Variants in SYNPO observed in about 807,000 individuals in gnomAD.
SYNPO encodes synaptopodin.
A neutral mutation model predicts 49.5 loss-of-function variants in SYNPO; 19 were observed. That is an observed-to-expected ratio of 0.38 (90% CI 0.27 to 0.56). SYNPO has a LOEUF of 0.56. Ranked by LOEUF, SYNPO falls within the 20% of genes least tolerant of loss-of-function variation. The pLI is 0.68. For missense variants in SYNPO, 1,131 were observed against 1,248.3 expected (o/e 0.91, Z 1.42); for synonymous variants, 536 against 548.0 (o/e 0.98, Z 0.31).
the SYNPO span, among the ~76,000 whole-genome samples, chr5:150,594,799 T>C: frequency 6.6e-6 from 1 of 152,068 alleles, no homozygotes; most frequent in Admixed American, 6.6e-5. Flanking sequence ...GGCTCAGAGA[T>C]GGGGAAAGTC....
intron 2 of SYNPO, among the ~76,000 whole-genome samples, chr5:150,629,117 C>T (rs894255458): frequency 6.6e-6 from 1 of 152,130 alleles, no homozygotes; most frequent in Admixed American, 6.5e-5. Context: ...CTCCTGGGCT[C>T]AAGTGATCCT....
upstream of SYNPO, among the ~76,000 whole-genome samples, chr5:150,635,788 C>T (rs1039130353): frequency 6.6e-6 from 1 of 152,172 alleles, no homozygotes; most frequent in African/African-American, 2.4e-5. Context: ...CGTGTCCTAC[C>T]TCCACATTAT....
chr5:150,609,419 C>T (rs909817436), intron 1 of SYNPO, among the ~76,000 whole-genome samples: 2 of 152,230 alleles, frequency 1.3e-5, no homozygotes, highest in Admixed American at 6.5e-5. Context: ...CTCAGCCTCC[C>T]GAGTAGCTGG....
intron 1 of SYNPO, among the ~76,000 whole-genome samples, chr5:150,615,754 GCCTCT>G (rs1756967719): frequency 6.6e-6 from 1 of 152,230 alleles, no homozygotes; most frequent in Admixed American, 6.5e-5. Context: ...AGGGCCTGGA[GCCTCT>G]CCTCCATGTC....
chr5:150,586,118 C>T, the SYNPO span, among the ~76,000 whole-genome samples: 1 of 152,250 alleles, frequency 6.6e-6, no homozygotes, highest in Admixed American at 6.5e-5. Flanking sequence ...GCAGGACTGG[C>T]AGAGGTGAGT....
chr5:150,640,555 C>T (rs539863194), upstream of SYNPO: 82 of 757,696 alleles, frequency 1.1e-4, no homozygotes, highest in Middle Eastern at 1.3e-3. Context: ...GAGTGGAGCC[C>T]GGAGGGAGGA....
At chr5:150,623,587 G>A (rs943149842) in intron 2 of SYNPO, among the ~76,000 whole-genome samples, 1 of 151,938 alleles carries the variant, frequency 6.6e-6, no homozygotes, top group Non-Finnish European at 1.5e-5. Flanking sequence ...CACGATCAGA[G>A]GAATTCTCTG....
At chr5:150,594,305 G>A in the SYNPO span, among the ~76,000 whole-genome samples, 1 of 152,206 alleles carries the variant, frequency 6.6e-6, no homozygotes, top group African/African-American at 2.4e-5. Flanking sequence ...GCTGGGGCTT[G>A]GCTGCTACAC....
chr5:150,652,152 C>G, intron 2 of SYNPO: 1 of 1,002,086 alleles, frequency 1.0e-6, no homozygotes, highest in South Asian at 4.7e-5. Context: ...TGTGAGTGAG[C>G]TCAGCTCCTT....
intron 1 of SYNPO, among the ~76,000 whole-genome samples, chr5:150,613,276 C>A (rs748546891): frequency 3.9e-5 from 6 of 152,120 alleles, no homozygotes; most frequent in Admixed American, 6.5e-5. Context: ...TGCCCACCCC[C>A]CTACTTTGTC....
At chr5:150,608,755 G>A (rs1272747157) in intron 1 of SYNPO, among the ~76,000 whole-genome samples, 1 of 152,120 alleles carries the variant, frequency 6.6e-6, no homozygotes, top group Non-Finnish European at 1.5e-5. Flanking sequence ...ACCCCCAGAA[G>A]CTGTGATTTA....
At chr5:150,624,015 C>G (rs1757264116) in intron 2 of SYNPO, among the ~76,000 whole-genome samples, 1 of 152,188 alleles carries the variant, frequency 6.6e-6, no homozygotes, top group African/African-American at 2.4e-5. Context: ...TAACAGCATC[C>G]CACGTGACTC....
At chr5:150,609,790 G>GGT (rs1008507256) in intron 1 of SYNPO, among the ~76,000 whole-genome samples, 1 of 151,640 alleles carries the variant, frequency 6.6e-6, no homozygotes, top group Non-Finnish European at 1.5e-5. Context: ...ATGTGGCGGG[G>GGT]GGGGGCAGTG....
the SYNPO span, among the ~76,000 whole-genome samples, chr5:150,587,187 A>AATGG: frequency 0.026 from 3,877 of 149,962 alleles, 159 homozygotes; most frequent in East Asian, 0.18. Context: ...TGGATATGTT[A>AATGG]ATGGATGGAT....
At chr5:150,619,327 T>C (rs1011677541) in intron 2 of SYNPO, among the ~76,000 whole-genome samples, 1 of 152,140 alleles carries the variant, frequency 6.6e-6, no homozygotes, top group Non-Finnish European at 1.5e-5. Context: ...TAGAGGTCAC[T>C]CAGCGTGTTA....
chr5:150,616,706 C>A (rs530649916), intron 1 of SYNPO, among the ~76,000 whole-genome samples: 3 of 152,290 alleles, frequency 2.0e-5, no homozygotes, highest in South Asian at 2.1e-4. Flanking sequence ...TCTCTATTAA[C>A]AAAATCTCTG....
At chr5:150,644,622 TAAG>T (rs1229154023) in intron 1 of SYNPO, among the ~76,000 whole-genome samples, 2 of 152,174 alleles carry the variant, frequency 1.3e-5, no homozygotes, top group African/African-American at 4.8e-5. Context: ...CATGTCAAGT[TAAG>T]GAGACTGTGG....
intron 1 of SYNPO, 90 bp from the exon 2 acceptor site, chr5:150,647,854 G>A (rs149434894): frequency 8.1e-5 from 97 of 1,201,800 alleles, no homozygotes; most frequent in Admixed American, 6.9e-5. Flanking sequence ...AGGAAGGGCC[G>A]AGGCGACCAT....
At chr5:150,594,268 C>T in the SYNPO span, among the ~76,000 whole-genome samples, 7 of 152,154 alleles carry the variant, frequency 4.6e-5, no homozygotes, top group Non-Finnish European at 1.0e-4. Flanking sequence ...GGGGGAAGAT[C>T]TTTAGGGAAC....
Sources: gnomAD v4.1 joint callset for allele counts (sites outside exome capture counted in the v4.1 genomes callset) on GRCh38, gnomAD v4.1.1 for gene constraint, MANE v1.5 for transcripts, NCBI Gene and HGNC (gene_info 2026-07-23, HGNC 2026-07-21) for gene names.